The following UTRN variants were observed in gnomAD, a reference collection of about 807,000 sequenced individuals.
UTRN encodes the protein utrophin, also known as dystrophin-related protein 1.
In UTRN, 283 loss-of-function variants were observed where a neutral mutation model predicts 463.9. That is an observed-to-expected ratio of 0.61 (90% CI 0.55 to 0.67). UTRN has a LOEUF of 0.67. UTRN is among the 30% of genes least tolerant of loss of function. The pLI is 0.00. For missense variants in UTRN, 3,922 were observed against 4,084.3 expected (o/e 0.96, Z 1.08); for synonymous variants, 1,442 against 1,431.5 (o/e 1.01, Z -0.17).
intron 49 of UTRN, 76 bp from the exon 50 acceptor site, chr6:144,557,081 T>C: frequency 1.3e-6 from 2 of 1,509,230 alleles, no homozygotes; most frequent in Non-Finnish European, 8.9e-7. Context: ...CAAAATCTGC[T>C]GGGAGTACCA....
At chr6:144,550,853 A>G in intron 47 of UTRN, 112 bp from the exon 48 acceptor site, 4 of 801,860 alleles carry the variant, frequency 5.0e-6, no homozygotes, top group Non-Finnish European at 7.4e-6. Flanking sequence ...ATGCTTCACT[A>G]TGCCATAGAG....
At chr6:144,715,166 G>C (rs555661133) in intron 53 of UTRN, among the ~76,000 whole-genome samples, 1 of 152,188 alleles carries the variant, frequency 6.6e-6, no homozygotes, top group Admixed American at 6.5e-5. Context: ...TTCCTGAATT[G>C]GCCCCTATAA....
intron 2 of UTRN, among the ~76,000 whole-genome samples, chr6:144,375,978 C>G (rs1005095999): frequency 2.0e-5 from 3 of 152,050 alleles, no homozygotes; most frequent in African/African-American, 7.2e-5. Flanking sequence ...TTTTTGATAC[C>G]CACTGTCATT....
At chr6:144,512,135 C>T (rs1427280992) in intron 35 of UTRN, among the ~76,000 whole-genome samples, 1 of 151,964 alleles carries the variant, frequency 6.6e-6, no homozygotes, top group East Asian at 1.9e-4. Context: ...CTTAAATTTC[C>T]ATATATACAG....
At chr6:144,722,316 T>C (rs1311011046) in intron 53 of UTRN, among the ~76,000 whole-genome samples, 1 of 147,930 alleles carries the variant, frequency 6.8e-6, no homozygotes, top group Non-Finnish European at 1.5e-5. Context: ...CTCACTTCCC[T>C]CCGGTTTTTT....
At chr6:144,650,066 T>C (rs1778651607) in intron 51 of UTRN, among the ~76,000 whole-genome samples, 1 of 152,186 alleles carries the variant, frequency 6.6e-6, no homozygotes. Context: ...CTCACAATCA[T>C]GGCAGAAGGC....
intron 2 of UTRN, among the ~76,000 whole-genome samples, chr6:144,305,926 C>T (rs1805694128): frequency 6.6e-6 from 1 of 152,194 alleles, no homozygotes; most frequent in Non-Finnish European, 1.5e-5. Flanking sequence ...CAGTCATGGA[C>T]CTTGTACCAT....
chr6:144,320,204 A>G (rs1165490489), intron 2 of UTRN, among the ~76,000 whole-genome samples: 2 of 152,248 alleles, frequency 1.3e-5, no homozygotes, highest in Non-Finnish European at 2.9e-5. Context: ...AAAAATAATT[A>G]TTCTATTGTG....
chr6:144,327,196 G>C (rs1339487035), intron 2 of UTRN, among the ~76,000 whole-genome samples: 1 of 152,092 alleles, frequency 6.6e-6, no homozygotes, highest in African/African-American at 2.4e-5. Context: ...GTGAAGGAGA[G>C]GGGAAATGGG....
At chr6:144,663,793 T>G (rs1780117508) in intron 51 of UTRN, among the ~76,000 whole-genome samples, 1 of 152,228 alleles carries the variant, frequency 6.6e-6, no homozygotes, top group Non-Finnish European at 1.5e-5. Flanking sequence ...ATTTACCTCC[T>G]TTCACATGAC....
At chr6:144,805,107 G>T (rs1395626397) in intron 65 of UTRN, among the ~76,000 whole-genome samples, 1 of 152,144 alleles carries the variant, frequency 6.6e-6, no homozygotes, top group East Asian at 1.9e-4. Context: ...CTGAAAATTT[G>T]CAGCTTTTAT....
At chr6:144,663,799 A>G (rs1780118720) in intron 51 of UTRN, among the ~76,000 whole-genome samples, 1 of 152,164 alleles carries the variant, frequency 6.6e-6, no homozygotes, top group African/African-American at 2.4e-5. Flanking sequence ...CTCCTTTCAC[A>G]TGACTCTATC....
In UTRN at chr6:144,576,286, G is replaced by C. The variant is rs114904578; in HGVS notation, c.7290-813G>C. Among the ~76,000 whole-genome samples the C allele has an allele frequency of 2.1e-3, 317 of 152,116 alleles. 2 individuals carry two copies. The highest frequency in any genetic ancestry group is 7.4e-3 in the African/African-American group (307 of 41,516). On this transcript the variant is annotated intron_variant, in intron 50 of 74. Transcript: ENST00000367545. ...TTAAATACCTAGGAGTGAAATTATC[G>C]ATACTAATTTTTAAAATTGAGTTGT...
At chr6:144,317,108 T>G (rs943019487) in intron 2 of UTRN, among the ~76,000 whole-genome samples, 1 of 152,214 alleles carries the variant, frequency 6.6e-6, no homozygotes, top group African/African-American at 2.4e-5. Flanking sequence ...TTGACATAAT[T>G]CATAAATTCT....
intron 51 of UTRN, chr6:144,583,551 G>A (rs1802182709): frequency 2.8e-6 from 2 of 715,284 alleles, no homozygotes; most frequent in Non-Finnish European, 5.2e-6. Flanking sequence ...TTGTTGCATC[G>A]CTTACAAAGG....
intron 2 of UTRN, among the ~76,000 whole-genome samples, chr6:144,340,409 G>A (rs1777056380): frequency 6.6e-6 from 1 of 152,170 alleles, no homozygotes; most frequent in Non-Finnish European, 1.5e-5. Context: ...ACCCTTCATG[G>A]CCAAGGTCAG....
chr6:144,424,082 G>A lies in UTRN; in HGVS notation c.405+4G>A. Reference sequence around the variant, plus strand: ...GAGCATCATTTTGCACTGGCAGGTGGGGAAATTTCCAATCACTTTTTAATA... The same window carrying A: ...GAGCATCATTTTGCACTGGCAGGTGAGGAAATTTCCAATCACTTTTTAATA... On this transcript the variant is annotated splice_donor_region_variant and intron_variant, in intron 6 of 74. Transcript: ENST00000367545. 5 of 1,612,476 alleles carry A rather than the reference G, an allele frequency of 3.1e-6. No individual in the cohort carries two copies. Among genetic ancestry groups the A allele is most frequent in the Non-Finnish European group, 4.2e-6 (5 of 1,179,504 alleles).
At chr6:144,307,232 T>C (rs576409468) in intron 2 of UTRN, among the ~76,000 whole-genome samples, 1 of 152,300 alleles carries the variant, frequency 6.6e-6, no homozygotes, top group African/African-American at 2.4e-5. Context: ...ATATTATTAG[T>C]TGATGCCGCA....
chr6:144,768,941 G>GTTTTT (rs1204880630), intron 58 of UTRN, among the ~76,000 whole-genome samples: 6 of 96,904 alleles, frequency 6.2e-5, no homozygotes, highest in African/African-American at 3.1e-4. Context: ...TTGCTACTTT[G>GTTTTT]TTTTTTGTTT....
Sources: gnomAD v4.1 joint callset for allele counts (sites outside exome capture counted in the v4.1 genomes callset) on GRCh38, gnomAD v4.1.1 for gene constraint, MANE v1.5 for transcripts, NCBI Gene and HGNC (gene_info 2026-07-23, HGNC 2026-07-21) for gene names.